BDP1: variants seen among roughly 807,000 people sequenced by gnomAD.
BDP1 encodes transcription factor TFIIIB component B'' homolog.
A neutral mutation model predicts 266.6 loss-of-function variants in BDP1; 169 were observed. The ratio of observed to expected loss-of-function variants is 0.63; its 90% CI spans 0.56 to 0.72. The LOEUF is 0.72. Among genes scored for constraint, BDP1 ranks in the 30% least tolerant of loss-of-function variants. The probability of loss-of-function intolerance (pLI) is 0.00; values close to 1 mark genes in which losing one functional copy is unlikely to be tolerated. For missense variants in BDP1, 3,015 were observed against 3,053.8 expected, an observed-to-expected ratio of 0.99 and a Z score of 0.30; for synonymous variants, 1,090 against 1,022.4, an observed-to-expected ratio of 1.07 and a Z score of -1.26.
chr5:71,499,082 T>C (rs973299583), intron 13 of BDP1, among the ~76,000 whole-genome samples: 3 of 151,812 alleles, frequency 2.0e-5, no homozygotes, highest in African/African-American at 7.3e-5. Flanking sequence ...ATGTGTATAA[T>C]GTTTAAAACC....
downstream of BDP1, among the ~76,000 whole-genome samples, chr5:71,568,426 T>G (rs1256716447): frequency 6.6e-6 from 1 of 152,224 alleles, no homozygotes; most frequent in East Asian, 1.9e-4. Context: ...TGCTTCTGTC[T>G]TCATGGTGAC....
chr5:71,543,152 A>G (rs932917284), intron 30 of BDP1, among the ~76,000 whole-genome samples: 1 of 152,212 alleles, frequency 6.6e-6, no homozygotes, highest in African/African-American at 2.4e-5. Flanking sequence ...ATGGTGGTGC[A>G]TGTCTGTAGT....
At chr5:71,534,935 C>T (rs575018485) in intron 26 of BDP1, among the ~76,000 whole-genome samples, 1 of 152,252 alleles carries the variant, frequency 6.6e-6, no homozygotes, top group East Asian at 1.9e-4. Context: ...GCCACCGTGC[C>T]CGGCCTGGGA....
intron 26 of BDP1, among the ~76,000 whole-genome samples, chr5:71,536,498 G>A (rs944047583): frequency 5.9e-5 from 9 of 152,152 alleles, no homozygotes; most frequent in African/African-American, 2.2e-4. Flanking sequence ...CTGACAGGGA[G>A]AGCCATGATC....
At chr5:71,483,947 T>C in intron 8 of BDP1, 51 bp downstream of exon 8, 2 of 1,398,950 alleles carry the variant, frequency 1.4e-6, no homozygotes, top group Non-Finnish European at 2.0e-6. Context: ...GCCTAAAAAA[T>C]GACCAGTCTT....
At position 71,509,275 on chromosome 5, in the gene BDP1, T is replaced by C. The variant is rs1414765124; in HGVS notation, c.2373-190T>C. Reference sequence around the variant, plus strand: ...AGATATATATATATATTTAAACTTATTGCTGTGATTTCAAAAGGTGGGATT... The same window carrying C: ...AGATATATATATATATTTAAACTTACTGCTGTGATTTCAAAAGGTGGGATT... On this transcript the variant is annotated intron_variant, in intron 16 of 38. Coordinates refer to ENST00000358731, the MANE Select transcript of BDP1 (RefSeq NM_018429.3). Among the ~76,000 whole-genome samples, 8 of 152,170 alleles carry C rather than the reference T, an allele frequency of 5.3e-5. No homozygotes were observed. The East Asian group carries it at 1.2e-3, about 22-fold the overall frequency.
intron 4 of BDP1, among the ~76,000 whole-genome samples, chr5:71,465,190 T>A (rs1219102744): frequency 6.6e-6 from 1 of 152,110 alleles, no homozygotes; most frequent in Admixed American, 6.6e-5. Context: ...AAGGCTCAAA[T>A]GAGCATGAAA....
chr5:71,513,440 G>GTT, intron 19 of BDP1, 33 bp downstream of exon 19: 2 of 1,258,684 alleles, frequency 1.6e-6, no homozygotes, highest in East Asian at 2.5e-5. Context: ...TTCTGTGTGG[G>GTT]TGTTTTTTTT....
chr5:71,548,619 G>T, intron 32 of BDP1, 63 bp from the exon 33 acceptor site: 1 of 991,488 alleles, frequency 1.0e-6, no homozygotes, highest in South Asian at 1.3e-5. Flanking sequence ...ATATTGACAG[G>T]AATAACTTTT....
Position 71,495,357 on chromosome 5 carries a change from C to T in BDP1, c.1748C>T (p.Ala583Val). The change falls in exon 12 of 39, where the codon GCT (alanine) becomes GTT (valine). Residue 583 changes from alanine to valine, a missense_variant. By Grantham distance (64) the Ala-to-Val change is moderately conservative. Coordinates refer to ENST00000358731, the MANE Select transcript of BDP1 (RefSeq NM_018429.3). Reference sequence around the variant, plus strand: ...AGAGCATTGTGTGAGGTGAATAATGCTGAGGGTAGTTGTATAGAAGAAAGA... The same window carrying T: ...AGAGCATTGTGTGAGGTGAATAATGTTGAGGGTAGTTGTATAGAAGAAAGA... Reference protein sequence around the residue: ...GIRALCEVNNAEGSCIEERNV... With the variant: ...GIRALCEVNNVEGSCIEERNV... 6.2e-7 allele frequency: 1 copy of T among 1,600,888 alleles called. No homozygotes were observed. The highest frequency in any genetic ancestry group is 8.5e-7 in the Non-Finnish European group (1 of 1,172,478).
chr5:71,461,791 G>A, intron 2 of BDP1, 26 bp from the exon 3 acceptor site: 1 of 1,255,108 alleles, frequency 8.0e-7, no homozygotes. Flanking sequence ...ATTTATAAAA[G>A]TGGATCTGTG....
chr5:71,485,541 T>A (rs1763213652), intron 8 of BDP1, among the ~76,000 whole-genome samples: 4 of 152,098 alleles, frequency 2.6e-5, no homozygotes, highest in South Asian at 2.1e-4. Context: ...TTCTTTTTAT[T>A]TTAGTATATA....
At chr5:71,577,957 A>G in the BDP1 span, among the ~76,000 whole-genome samples, 1 of 152,172 alleles carries the variant, frequency 6.6e-6, no homozygotes, top group African/African-American at 2.4e-5. Flanking sequence ...ATGGTGACCA[A>G]CTCAGCATTC....
intron 8 of BDP1, 63 bp from the exon 9 acceptor site, chr5:71,486,421 T>G (rs1763265514): frequency 1.4e-6 from 2 of 1,417,362 alleles, no homozygotes; most frequent in South Asian, 2.7e-5. Flanking sequence ...TATGATACTT[T>G]AAAAGCTAGA....
chr5:71,541,578 A>G lies in BDP1; in HGVS notation c.6147A>G (p.Thr2049=), dbSNP rs1766973332. The G allele has an allele frequency of 6.2e-7, 1 of 1,612,394 alleles. No individual in the cohort carries two copies. The highest frequency in any genetic ancestry group is 1.3e-5 in the African/African-American group (1 of 74,878). Residue 2049 remains threonine, a synonymous_variant, in exon 29 of 39, where the codon ACA becomes ACG. Coordinates refer to ENST00000358731, the MANE Select transcript of BDP1 (RefSeq NM_018429.3). ...CQELSSPVIT[T]SPASFEENKI... ...AACTTTCTTCACCTGTCATTACTAC[A>G]TCTCCTGCATCATTTGAAGAAAACA...
chr5:71,519,486 G>T (rs565208641), intron 22 of BDP1, among the ~76,000 whole-genome samples: 1 of 152,064 alleles, frequency 6.6e-6, no homozygotes, highest in South Asian at 2.1e-4. Context: ...CTAGCCTCTG[G>T]TGAGCACCAT....
At chr5:71,557,398 TTTTTG>T in intron 36 of BDP1, among the ~76,000 whole-genome samples, 1 of 137,176 alleles carries the variant, frequency 7.3e-6, no homozygotes, top group African/African-American at 2.8e-5. Context: ...TTTTTTTTTT[TTTTTG>T]AGACGGTGTC....
intron 25 of BDP1, among the ~76,000 whole-genome samples, chr5:71,527,212 C>T (rs971613957): frequency 6.6e-6 from 1 of 152,144 alleles, no homozygotes; most frequent in Non-Finnish European, 1.5e-5. Flanking sequence ...CGAGCTACTG[C>T]GTTCTTTTTT....
At chr5:71,545,580 G>T (rs185837854) in intron 32 of BDP1, 2 of 232,820 alleles carry the variant, frequency 8.6e-6, no homozygotes, top group East Asian at 1.4e-4. Context: ...ATCCACCTGC[G>T]TTGGCCTCCA....
Sources: gnomAD v4.1 joint callset for allele counts (sites outside exome capture counted in the v4.1 genomes callset) on GRCh38, gnomAD v4.1.1 for gene constraint, MANE v1.5 for transcripts, NCBI Gene and HGNC (gene_info 2026-07-23, HGNC 2026-07-21) for gene names.